EPB41L3: variants seen among roughly 807,000 people sequenced by gnomAD.
EPB41L3 encodes the protein band 4.1-like protein 3.
Under a neutral mutation model 127.1 loss-of-function variants are expected in EPB41L3, and 57 were observed. The ratio of observed to expected loss-of-function variants is 0.45; its 90% CI spans 0.36 to 0.56. EPB41L3 has a LOEUF of 0.56. Among genes scored for constraint, EPB41L3 ranks in the 20% least tolerant of loss-of-function variants. The pLI, the probability that EPB41L3 is intolerant of heterozygous loss-of-function variation, is 0.00. For synonymous variants in EPB41L3, 572 were observed against 549.5 expected (o/e 1.04, Z -0.57); for missense variants, 1,273 against 1,372.2 (o/e 0.93, Z 1.14).
chr18:5,428,470 A>G lies in EPB41L3; in HGVS notation c.913-5T>C. The G allele has an allele frequency of 1.9e-6, 3 of 1,614,128 alleles. No homozygotes were observed. The highest frequency in any genetic ancestry group is 2.5e-6 in the Non-Finnish European group (3 of 1,179,974). On this transcript the variant is annotated splice_region_variant and splice_polypyrimidine_tract_variant and intron_variant, in intron 8 of 22. Transcript: ENST00000341928. ...AATTTCTACCCCTTCTGAGTCCTGGAAAATAAAAGCAAGAAACAACAGATC... is the reference window on the plus strand; with the variant it reads ...AATTTCTACCCCTTCTGAGTCCTGGGAAATAAAAGCAAGAAACAACAGATC...
intron 3 of EPB41L3, among the ~76,000 whole-genome samples, chr18:5,585,913 G>A (rs375091012): frequency 2.5e-4 from 38 of 152,084 alleles, no homozygotes; most frequent in African/African-American, 8.2e-4. Context: ...CTCATCCCTC[G>A]GCAAGGGCAG....
intron 1 of EPB41L3, among the ~76,000 whole-genome samples, chr18:5,533,209 G>A (rs747473732): frequency 3.9e-5 from 6 of 152,108 alleles, no homozygotes; most frequent in Non-Finnish European, 7.3e-5. Flanking sequence ...CTGCCTCTTT[G>A]CGCCAAGACA....
In EPB41L3 at chr18:5,419,751, T is replaced by G. The variant is rs2077245212; in HGVS notation, c.1466A>C (p.Glu489Ala). ...GATGGCCGAGATGGGCGTGACTTCT[T>G]CCCCCTTCCTCCGTTTGTCCTCTTC... Reference protein sequence around the residue: ...DEEEDKRRKGEEVTPISAIRH... With the variant: ...DEEEDKRRKGAEVTPISAIRH... Residue 489 changes from glutamate (E) to alanine (A), a missense_variant, in exon 12 of 23, where the codon GAA becomes GCA. Physicochemically the swap from Glu to Ala is moderately radical, Grantham distance 107. Coordinates refer to ENST00000341928, the MANE Select transcript of EPB41L3 (RefSeq NM_012307.5). The G allele has an allele frequency of 1.2e-6, 2 of 1,614,026 alleles. No individual in the cohort carries two copies. Among genetic ancestry groups the G allele is most frequent in the Non-Finnish European group, 1.7e-6 (2 of 1,180,034 alleles).
chr18:5,561,849 T>C (rs2094139457), intron 3 of EPB41L3, among the ~76,000 whole-genome samples: 1 of 152,216 alleles, frequency 6.6e-6, no homozygotes, highest in Admixed American at 6.5e-5. Context: ...GCCCCCGATA[T>C]GACAGAGGGC....
chr18:5,536,602 G>A (rs943619468), intron 1 of EPB41L3, among the ~76,000 whole-genome samples: 5 of 151,038 alleles, frequency 3.3e-5, no homozygotes, highest in African/African-American at 1.2e-4. Context: ...AGGATCATTC[G>A]AGACCAGCCT....
chr18:5,536,515 A>T (rs1490003315), intron 1 of EPB41L3, among the ~76,000 whole-genome samples: 1 of 151,580 alleles, frequency 6.6e-6, no homozygotes, highest in African/African-American at 2.4e-5. Context: ...AAAAAAAAAA[A>T]ATTTGGCCTG....
At chr18:5,558,251 T>G (rs547318123) in intron 3 of EPB41L3, among the ~76,000 whole-genome samples, 1 of 152,186 alleles carries the variant, frequency 6.6e-6, no homozygotes, top group African/African-American at 2.4e-5. Flanking sequence ...CTGATACATT[T>G]GTTTAAAAAA....
chr18:5,625,756 C>T (rs2094916384), intron 1 of EPB41L3, among the ~76,000 whole-genome samples: 1 of 152,180 alleles, frequency 6.6e-6, no homozygotes, highest in Admixed American at 6.5e-5. Flanking sequence ...CTGTTGACTT[C>T]TCACCATAAA....
chr18:5,424,503 T>C (rs1046358579), intron 9 of EPB41L3, 144 bp from the exon 10 acceptor site: 16 of 565,218 alleles, frequency 2.8e-5, no homozygotes, highest in Non-Finnish European at 4.5e-5. Flanking sequence ...ATTCATGCTA[T>C]ACAGATTCAT....
At chr18:5,509,720 A>C (rs1315066706) in intron 1 of EPB41L3, among the ~76,000 whole-genome samples, 1 of 152,118 alleles carries the variant, frequency 6.6e-6, no homozygotes, top group East Asian at 1.9e-4. Context: ...TGGGTGTATA[A>C]TTTTCTTTAT....
At chr18:5,474,605 C>T (rs1170058985) in intron 3 of EPB41L3, among the ~76,000 whole-genome samples, 4 of 151,920 alleles carry the variant, frequency 2.6e-5, no homozygotes, top group Non-Finnish European at 4.4e-5. Context: ...TGGAGAAAAA[C>T]ATCACAATTT....
In EPB41L3 at chr18:5,502,165, A is replaced by C. The variant is rs2091804986; in HGVS notation, c.-11-12971T>G. On this transcript the variant is annotated intron_variant, in intron 1 of 22. Transcript: ENST00000341928. ...TTGAATGTCCCACACAATGGACAAA[A>C]GTGACAGAACAGCTACAGGTGTGAT... 2.6e-5 allele frequency among the ~76,000 whole-genome samples: 4 copies of C among 152,218 alleles called. No individual in the cohort carries two copies. The South Asian group carries it at 8.3e-4, about 32-fold the overall frequency.
At position 5,434,138 on chromosome 18, in the gene EPB41L3, G is replaced by A. The variant is rs772930989; in HGVS notation, c.606-17C>T. 1 of 1,607,950 alleles carries A rather than the reference G, an allele frequency of 6.2e-7. No individual in the cohort carries two copies. The highest frequency in any genetic ancestry group is 1.1e-5 in the South Asian group (1 of 90,908). ...AGGTAGTACCTTCCAGGAACCAAAA[G>A]CACAACACAACGAAGGCAGCATGAG... On this transcript the variant is annotated splice_polypyrimidine_tract_variant and intron_variant, in intron 6 of 22. Coordinates refer to ENST00000341928, the MANE Select transcript of EPB41L3 (RefSeq NM_012307.5).
chr18:5,615,662 C>A (rs905639000), intron 1 of EPB41L3, among the ~76,000 whole-genome samples: 7 of 152,190 alleles, frequency 4.6e-5, no homozygotes, highest in African/African-American at 7.2e-5. Flanking sequence ...AATATTGGCA[C>A]ATAGTAGGCC....
intron 1 of EPB41L3, among the ~76,000 whole-genome samples, chr18:5,620,465 G>A (rs1182569510): frequency 6.6e-6 from 1 of 151,990 alleles, no homozygotes; most frequent in African/African-American, 2.4e-5. Context: ...TTGGCAACTG[G>A]GTCACACATA....
chr18:5,484,749 A>C (rs1367612135), intron 2 of EPB41L3, among the ~76,000 whole-genome samples: 1 of 152,078 alleles, frequency 6.6e-6, no homozygotes, highest in Non-Finnish European at 1.5e-5. Context: ...GAAACGGATA[A>C]ATTTCTAGAC....
intron 3 of EPB41L3, among the ~76,000 whole-genome samples, chr18:5,594,416 T>C (rs2094517353): frequency 6.6e-6 from 1 of 152,242 alleles, no homozygotes; most frequent in Non-Finnish European, 1.5e-5. Context: ...TTTTATCCTG[T>C]GTGACCTCAT....
At chr18:5,458,237 T>C (rs1274762304) in intron 3 of EPB41L3, among the ~76,000 whole-genome samples, 2 of 152,156 alleles carry the variant, frequency 1.3e-5, no homozygotes. Context: ...AGAGAATACT[T>C]TATTCCCACA....
At chr18:5,424,851 G>T (rs1220429406) in intron 9 of EPB41L3, among the ~76,000 whole-genome samples, 3 of 152,142 alleles carry the variant, frequency 2.0e-5, no homozygotes, top group Non-Finnish European at 4.4e-5. Context: ...TTGATAACTT[G>T]GTGTCAGAGA....
Sources: allele counts gnomAD v4.1 joint callset (sites outside exome capture counted in the v4.1 genomes callset), GRCh38; gene constraint gnomAD v4.1.1; transcripts MANE v1.5; gene names NCBI Gene and HGNC (gene_info 2026-07-23, HGNC 2026-07-21).